TAFA5: variants seen among roughly 807,000 people sequenced by gnomAD.
TAFA5 encodes chemokine-like protein TAFA-5.
TAFA5 carries 6 observed loss-of-function variants against 15.3 expected under a neutral mutation model. The observed-to-expected ratio is 0.39, with a 90% CI of 0.21 to 0.77. The LOEUF (loss-of-function observed/expected upper bound fraction) is 0.77, where lower values mean the gene tolerates loss of function less well. TAFA5 is among the 30% of genes least tolerant of loss of function. TAFA5 has a pLI of 0.41. For missense variants in TAFA5, 161 were observed against 193.1 expected (o/e 0.83, Z 0.98); for synonymous variants, 103 against 80.7 (o/e 1.28, Z -1.48).
intron 2 of TAFA5, among the ~76,000 whole-genome samples, chr22:48,649,571 CTGCTCAGTGGCTCTCAGG>C (rs1926982023): frequency 6.6e-6 from 1 of 152,198 alleles, no homozygotes. Flanking sequence ...GGCCTCAGGG[CTGCTCAGTGGCTCTCAGG>C]CCTCGGTTCT....
chr22:48,529,415 G>C (rs1921894011), intron 1 of TAFA5, among the ~76,000 whole-genome samples: 1 of 112,976 alleles, frequency 8.9e-6, no homozygotes, highest in Non-Finnish European at 1.8e-5. Flanking sequence ...AGGAGATGGG[G>C]ATGTCAGGCA....
intron 2 of TAFA5, among the ~76,000 whole-genome samples, chr22:48,684,552 G>A (rs531333557): frequency 2.6e-5 from 4 of 152,152 alleles, no homozygotes; most frequent in Non-Finnish European, 5.9e-5. Flanking sequence ...CTCCAGAGCA[G>A]ACCAGCCGCA....
intron 1 of TAFA5, among the ~76,000 whole-genome samples, chr22:48,614,703 G>A (rs2147176529): frequency 6.6e-6 from 1 of 152,330 alleles, no homozygotes; most frequent in East Asian, 1.9e-4. Context: ...GGCATCTGTG[G>A]AAACCCTGCT....
At chr22:48,695,201 G>A (rs573295050) in intron 2 of TAFA5, among the ~76,000 whole-genome samples, 1 of 152,192 alleles carries the variant, frequency 6.6e-6, no homozygotes, top group Admixed American at 6.5e-5. Context: ...GTATTTGTCT[G>A]TATTAACGTT....
intron 1 of TAFA5, among the ~76,000 whole-genome samples, chr22:48,541,146 C>G (rs1922357495): frequency 6.6e-6 from 1 of 152,154 alleles, no homozygotes. Context: ...GGTGTGTGCA[C>G]TGGACCCAGA....
chr22:48,627,167 G>T (rs960227962), intron 1 of TAFA5, among the ~76,000 whole-genome samples: 2 of 152,244 alleles, frequency 1.3e-5, no homozygotes, highest in African/African-American at 4.8e-5. Flanking sequence ...TCTAAAGAAG[G>T]TTAAGCAGAA....
intron 2 of TAFA5, among the ~76,000 whole-genome samples, chr22:48,648,314 C>G (rs1041654363): frequency 1.3e-5 from 2 of 152,294 alleles, no homozygotes; most frequent in African/African-American, 2.4e-5. Flanking sequence ...TTTCCTCCCC[C>G]ACTCCCCCTG....
chr22:48,605,417 A>ATCAT (rs1925152118), intron 1 of TAFA5, among the ~76,000 whole-genome samples: 3 of 33,970 alleles, frequency 8.8e-5, no homozygotes, highest in African/African-American at 3.0e-4. Flanking sequence ...GGTGATGGTG[A>ATCAT]GGATGGTGGT....
chr22:48,627,013 C>T (rs1225123935), intron 1 of TAFA5, among the ~76,000 whole-genome samples: 5 of 152,164 alleles, frequency 3.3e-5, no homozygotes, highest in East Asian at 1.9e-4. Flanking sequence ...GAAGGATGGC[C>T]GCGGGGCCCC....
intron 2 of TAFA5, among the ~76,000 whole-genome samples, chr22:48,673,493 C>T (rs939952072): frequency 2.6e-5 from 4 of 152,138 alleles, no homozygotes; most frequent in Admixed American, 1.3e-4. Flanking sequence ...AGGCTTCTCT[C>T]CTAAGTTGGG....
At chr22:48,544,759 G>C (rs1330856721) in intron 1 of TAFA5, 3 of 471,286 alleles carry the variant, frequency 6.4e-6, no homozygotes, top group Non-Finnish European at 1.3e-5. Context: ...GGCTGACTTG[G>C]AGAAATTGTT....
intron 1 of TAFA5, among the ~76,000 whole-genome samples, chr22:48,551,492 G>A (rs1229281773): frequency 3.9e-5 from 6 of 152,186 alleles, no homozygotes; most frequent in South Asian, 4.1e-4. Context: ...AGGTGATGGC[G>A]GCTCGCTGGT....
intron 1 of TAFA5, among the ~76,000 whole-genome samples, chr22:48,514,643 C>G (rs777712166): frequency 1.5e-4 from 23 of 152,184 alleles, no homozygotes; most frequent in Admixed American, 7.2e-4. Context: ...CAGTCCCCCA[C>G]TCATGCCAGC....
intron 1 of TAFA5, among the ~76,000 whole-genome samples, chr22:48,625,297 A>G (rs1007760780): frequency 2.6e-5 from 4 of 152,152 alleles, no homozygotes; most frequent in South Asian, 2.1e-4. Flanking sequence ...TGTAACCACC[A>G]TATCTATGTT....
intron 1 of TAFA5, among the ~76,000 whole-genome samples, chr22:48,509,009 T>A (rs1468612997): frequency 6.6e-6 from 1 of 152,238 alleles, no homozygotes; most frequent in Non-Finnish European, 1.5e-5. Context: ...CTCCTCTCTA[T>A]TTCTATGAGC....
intron 1 of TAFA5, among the ~76,000 whole-genome samples, chr22:48,593,937 G>A (rs902149727): frequency 2.6e-5 from 4 of 152,232 alleles, no homozygotes; most frequent in Non-Finnish European, 2.9e-5. Flanking sequence ...TCATCAGTGT[G>A]TCGGCTCTCA....
At chr22:48,736,600 G>A (rs1401491702) in intron 3 of TAFA5, among the ~76,000 whole-genome samples, 8 of 152,336 alleles carry the variant, frequency 5.3e-5, no homozygotes, top group African/African-American at 1.2e-4. Flanking sequence ...GTCCGTCAGC[G>A]GTCCCACGGA....
chr22:48,744,333 C>A (rs1002717340), intron 3 of TAFA5, among the ~76,000 whole-genome samples: 1 of 152,178 alleles, frequency 6.6e-6, no homozygotes, highest in Non-Finnish European at 1.5e-5. Context: ...TCTCTGGTGA[C>A]CCCAGATGAG....
rs1214549533 is a variant in TAFA5, at chr22:48,749,881, C to T, written c.*34C>T. 1 of 1,550,626 alleles carries T rather than the reference C, an allele frequency of 6.4e-7. No homozygotes were observed. Among genetic ancestry groups the T allele is most frequent in the African/African-American group, 1.4e-5 (1 of 73,154 alleles). ...GCCCCTGAGGGGCCCCGGGAGTGGC[C>T]TTGGCTCCCTGGAGAGCCCACGTCT... On this transcript the variant is annotated 3_prime_UTR_variant, in exon 4 of 4. Transcript: ENST00000402357.
Sources: allele counts gnomAD v4.1 joint callset (sites outside exome capture counted in the v4.1 genomes callset), GRCh38; gene constraint gnomAD v4.1.1; transcripts MANE v1.5; gene names NCBI Gene and HGNC (gene_info 2026-07-23, HGNC 2026-07-21).